Variants in ZNF26 observed in about 807,000 individuals in gnomAD.
ZNF26 encodes zinc finger protein 26.
In ZNF26, 32 loss-of-function variants were observed where a neutral mutation model predicts 54.9. The ratio of observed to expected loss-of-function variants is 0.58; its 90% confidence interval spans 0.44 to 0.78. The LOEUF (loss-of-function observed/expected upper bound fraction) is 0.78, where lower values mean the gene tolerates loss of function less well. Ranked by LOEUF, ZNF26 falls within the 30% of genes least tolerant of loss-of-function variation. ZNF26 has a pLI of 0.00. For missense variants in ZNF26, 524 were observed against 634.0 expected, an observed-to-expected ratio of 0.83 and a Z score of 1.86; for synonymous variants, 221 against 209.2, an observed-to-expected ratio of 1.06 and a Z score of -0.49.
chr12:133,003,036 A>G lies in ZNF26; in HGVS notation c.34-4006A>G, dbSNP rs796255907. Among the ~76,000 whole-genome samples, 300 of 152,178 alleles carry G rather than the reference A, an allele frequency of 2.0e-3. 2 individuals carry two copies. The highest frequency in any genetic ancestry group is 6.6e-3 in the African/African-American group (274 of 41,534). On this transcript the variant is annotated intron_variant, in intron 1 of 3. Coordinates refer to ENST00000328654, the MANE Select transcript of ZNF26 (RefSeq NM_019591.4). Reference sequence around the variant, plus strand: ...GGTGGGACCTGGGAGCCTAATTCATATACTGCTTTTAGCTGTTTACAGTTC... The same window carrying G: ...GGTGGGACCTGGGAGCCTAATTCATGTACTGCTTTTAGCTGTTTACAGTTC...
In ZNF26 at chr12:132,986,674, G is replaced by T; in HGVS notation, c.-167G>T. ...TGTCTAGTCACGCGCGGTCTGTGTT[G>T]GGCGAGAGCTGAGGAGCCGGCGTCC... On this transcript the variant is annotated 5_prime_UTR_variant, in exon 1 of 4. Transcript: ENST00000328654. The T allele has an allele frequency of 1.5e-6, 1 of 658,892 alleles. No homozygotes were observed. Among genetic ancestry groups the T allele is most frequent in the Non-Finnish European group, 2.6e-6 (1 of 384,302 alleles). The allele number at this position is 658,892 out of a possible 1,614,324, so 40.8% of individuals were successfully genotyped here. A position where few individuals can be genotyped will look rare whatever the true frequency, so the allele number is the denominator to read the frequency against.
Position 133,001,142 on chromosome 12 carries a change from A to T in ZNF26, c.34-5900A>T, listed in dbSNP as rs2137237429. On this transcript the variant is annotated intron_variant, in intron 1 of 3. Transcript: ENST00000328654. The surrounding 1 kb of genome is among the most constrained non-coding windows in gnomAD (Gnocchi z 4.7). Reference sequence around the variant, plus strand: ...AAGCACCTCAACGTAATAAGGGCACAGTAGTGGCTTCATTTTTCTCATCAC... The same window carrying T: ...AAGCACCTCAACGTAATAAGGGCACTGTAGTGGCTTCATTTTTCTCATCAC... Among the ~76,000 whole-genome samples the T allele has an allele frequency of 6.6e-6, 1 of 152,314 alleles. No homozygotes were observed. Among genetic ancestry groups the T allele is most frequent in the East Asian group, 1.9e-4 (1 of 5,184 alleles).
chr12:133,007,124 A>G lies in ZNF26; in HGVS notation c.116A>G (p.Tyr39Cys), dbSNP rs1307951092. 6.2e-7 allele frequency: 1 copy of G among 1,613,954 alleles called. No individual in the cohort carries two copies. The highest frequency in any genetic ancestry group is 8.5e-7 in the Non-Finnish European group (1 of 1,179,908). ...QLLDSTQKYL[Y>C]RDVILENYHN... Reference sequence around the variant, plus strand: ...CTGGATTCTACACAGAAGTACCTGTACAGAGATGTGATATTGGAAAACTAT... The same window carrying G: ...CTGGATTCTACACAGAAGTACCTGTGCAGAGATGTGATATTGGAAAACTAT... The change falls in exon 2 of 4, where the codon TAC becomes TGC. Residue 39 changes from tyrosine to cysteine, a missense_variant. Transcript: ENST00000328654.
intron 1 of ZNF26, among the ~76,000 whole-genome samples, chr12:132,988,326 T>C: frequency 6.6e-6 from 1 of 151,964 alleles, no homozygotes; most frequent in South Asian, 2.1e-4. Context: ...AGCCTCGAAC[T>C]CCCGGGCTCA....
At chr12:132,993,943 T>A (rs1248093575) in intron 1 of ZNF26, among the ~76,000 whole-genome samples, 1 of 152,170 alleles carries the variant, frequency 6.6e-6, no homozygotes, top group Non-Finnish European at 1.5e-5. Context: ...TCTCCTGGAC[T>A]CTCAACCTCA....
rs1410288318 is a variant in ZNF26, at chr12:132,986,518, A to G, written c.-323A>G. Reference sequence around the variant, plus strand: ...TCGGATTATCCTGGGCAGACCAGAGACTTGACCAGCTAAACACTTCCGTCG... The same window carrying G: ...TCGGATTATCCTGGGCAGACCAGAGGCTTGACCAGCTAAACACTTCCGTCG... On this transcript the variant is annotated 5_prime_UTR_variant, in exon 1 of 4. Coordinates refer to ENST00000328654, the MANE Select transcript of ZNF26 (RefSeq NM_019591.4). The G allele has an allele frequency of 4.3e-6, 2 of 460,856 alleles. No homozygotes were observed. The highest frequency in any genetic ancestry group is 8.0e-6 in the Non-Finnish European group (2 of 250,752). The allele number at this position is 460,856 out of a possible 1,614,324, so 28.5% of individuals were successfully genotyped here.
chr12:133,007,779 G>A (rs1953363934), intron 3 of ZNF26, among the ~76,000 whole-genome samples: 1 of 152,198 alleles, frequency 6.6e-6, no homozygotes, highest in Non-Finnish European at 1.5e-5. Flanking sequence ...TCTGCTTCAG[G>A]TTTGCTTTTG....
chr12:133,023,163 C>T lies in ZNF26; in HGVS notation c.*11682C>T, dbSNP rs964578408. On this transcript the variant is annotated 3_prime_UTR_variant, in exon 4 of 4. Coordinates refer to ENST00000328654, the MANE Select transcript of ZNF26 (RefSeq NM_019591.4). The stretch of plus-strand genomic sequence containing the variant: ...TGGGAGAATACTAAGGATAACCATA[C>T]GCCAGTCAAATAAAAATAGATAACA... The T allele has an allele frequency of 3.3e-5, 5 of 152,090 alleles. No individual in the cohort carries two copies. In the East Asian group the frequency reaches 9.6e-4, roughly 29 times the overall value. The allele number at this position is 152,090 out of a possible 1,614,324, so 9.4% of individuals were successfully genotyped here. A position where few individuals can be genotyped will look rare whatever the true frequency, so the allele number is the denominator to read the frequency against.
chr12:132,987,466 T>C (rs1952849514), intron 1 of ZNF26, among the ~76,000 whole-genome samples: 2 of 152,258 alleles, frequency 1.3e-5, no homozygotes, highest in African/African-American at 4.8e-5. Flanking sequence ...TTATGAATTA[T>C]TGATGGAGTG....
rs1438637866 is a variant in ZNF26, at chr12:133,015,419, CTG to C, written c.*3941_*3942del. On this transcript the variant is annotated 3_prime_UTR_variant, in exon 4 of 4. Transcript: ENST00000328654. Reference sequence around the variant, plus strand: ...TTCTGTGTATATGACACAATCCTAACTGTGGCATGTATCTATGTCTTCACTTG... The same window carrying C: ...TTCTGTGTATATGACACAATCCTAACTGGCATGTATCTATGTCTTCACTTG... 1.3e-5 allele frequency: 2 copies of C among 149,936 alleles called. No homozygotes were observed. The highest frequency in any genetic ancestry group is 3.0e-5 in the Non-Finnish European group (2 of 67,626). The allele number at this position is 149,936 out of a possible 1,614,324, so 9.3% of individuals were successfully genotyped here. A position where few individuals can be genotyped will look rare whatever the true frequency, so the allele number is the denominator to read the frequency against.
In ZNF26 at chr12:133,010,563, A is replaced by G; in HGVS notation, c.684A>G (p.Lys228=). Residue 228 remains lysine, a synonymous_variant, in exon 4 of 4, where the codon AAA becomes AAG. Coordinates refer to ENST00000328654, the MANE Select transcript of ZNF26 (RefSeq NM_019591.4). ...NAHQRVHTGE[K]PYSCSECEKV... is the part of the protein sequence containing the mutation. ...ATCAGAGAGTTCATACAGGAGAAAA[A>G]CCCTACTCATGTAGTGAGTGCGAGA... 1 of 1,614,096 alleles carries G rather than the reference A, an allele frequency of 6.2e-7. No individual in the cohort carries two copies. The highest frequency in any genetic ancestry group is 2.2e-5 in the East Asian group (1 of 44,876).
Position 132,986,684 on chromosome 12 carries a change from T to C in ZNF26, c.-157T>C. On this transcript the variant is annotated 5_prime_UTR_variant, in exon 1 of 4. Transcript: ENST00000328654. ...CGCGCGGTCTGTGTTGGGCGAGAGC[T>C]GAGGAGCCGGCGTCCCTGCCAACGA... is the stretch of plus-strand genomic sequence containing the variant. The C allele has an allele frequency of 8.5e-6, 6 of 704,476 alleles. No homozygotes were observed. Among genetic ancestry groups the C allele is most frequent in the Non-Finnish European group, 1.4e-5 (6 of 423,088 alleles). 43.6% of individuals were successfully genotyped at this position (704,476 alleles called of 1,614,324 possible). A position where few individuals can be genotyped will look rare whatever the true frequency, so the allele number is the denominator to read the frequency against.
Position 133,014,292 on chromosome 12 carries a change from A to G in ZNF26, c.*2811A>G, listed in dbSNP as rs1468861328. The G allele has an allele frequency of 1.3e-5, 2 of 152,356 alleles. No individual in the cohort carries two copies. Among genetic ancestry groups the G allele is most frequent in the Non-Finnish European group, 2.9e-5 (2 of 68,168 alleles). The allele number at this position is 152,356 out of a possible 1,614,324, so 9.4% of individuals were successfully genotyped here. On this transcript the variant is annotated 3_prime_UTR_variant, in exon 4 of 4. Transcript: ENST00000328654. ...GCTGGTTACAGCGGTGCACACCTGC[A>G]ATCCCAGCTACTCAGGAGGTTGAGG... is the stretch of plus-strand genomic sequence containing the variant.
rs2137269960 is a variant in ZNF26, at chr12:133,014,769, T to A, written c.*3288T>A. ...CCACGTTGGCCAGGCTGGTCTTGAATTCCTGACCTCAGGTAATCCACCTGC... is the reference window on the plus strand; with the variant it reads ...CCACGTTGGCCAGGCTGGTCTTGAAATCCTGACCTCAGGTAATCCACCTGC... On this transcript the variant is annotated 3_prime_UTR_variant, in exon 4 of 4. Transcript: ENST00000328654. The A allele has an allele frequency of 6.6e-6, 1 of 152,098 alleles. No individual in the cohort carries two copies. The highest frequency in any genetic ancestry group is 2.1e-4 in the South Asian group (1 of 4,818). The allele number at this position is 152,098 out of a possible 1,614,324, so 9.4% of individuals were successfully genotyped here. A position where few individuals can be genotyped will look rare whatever the true frequency, so the allele number is the denominator to read the frequency against.
chr12:133,010,569 C>T lies in ZNF26; in HGVS notation c.690C>T (p.Tyr230=), dbSNP rs2137260583. 6.2e-7 allele frequency: 1 copy of T among 1,614,084 alleles called. No individual in the cohort carries two copies. The highest frequency in any genetic ancestry group is 2.2e-5 in the East Asian group (1 of 44,876). ...GAGTTCATACAGGAGAAAAACCCTA[C>T]TCATGTAGTGAGTGCGAGAAGGTCT... is the stretch of plus-strand genomic sequence containing the variant. ...HQRVHTGEKP[Y]SCSECEKVFS... is the part of the protein sequence containing the mutation. Residue 230 remains tyrosine (Y), a synonymous_variant, in exon 4 of 4, where the codon TAC becomes TAT. Transcript: ENST00000328654.
In ZNF26 at chr12:133,018,281, T is replaced by C. The variant is rs1332064640; in HGVS notation, c.*6800T>C. ...CTCAGCCTCTTTAAATTATAAAATA[T>C]ATAAAGCAATATTTATAGCAATGTG... On this transcript the variant is annotated 3_prime_UTR_variant, in exon 4 of 4. Transcript: ENST00000328654. 1 of 152,190 alleles carries C rather than the reference T, an allele frequency of 6.6e-6. No individual in the cohort carries two copies. The highest frequency in any genetic ancestry group is 2.4e-5 in the African/African-American group (1 of 41,456). The allele number at this position is 152,190 out of a possible 1,614,324, so 9.4% of individuals were successfully genotyped here. A position where few individuals can be genotyped will look rare whatever the true frequency, so the allele number is the denominator to read the frequency against.
chr12:133,015,365 A>AAAG lies in ZNF26; in HGVS notation c.*3886_*3887insGAA, dbSNP rs1953553224. On this transcript the variant is annotated 3_prime_UTR_variant, in exon 4 of 4. Coordinates refer to ENST00000328654, the MANE Select transcript of ZNF26 (RefSeq NM_019591.4). ...TGAGACTCTGTCTCAAAAAAAAAAA[A>AAAG]AAAAAGAAAAGAAAATGACAAACAC... The AAAG allele has an allele frequency of 2.0e-5, 3 of 151,426 alleles. No individual in the cohort carries two copies. Among genetic ancestry groups the AAAG allele is most frequent in the South Asian group, 4.2e-4 (2 of 4,790 alleles). The allele number at this position is 151,426 out of a possible 1,614,324, so 9.4% of individuals were successfully genotyped here. A position where few individuals can be genotyped will look rare whatever the true frequency, so the allele number is the denominator to read the frequency against.
chr12:133,011,646 A>G lies in ZNF26; in HGVS notation c.*165A>G, dbSNP rs1953475940. The stretch of plus-strand genomic sequence containing the variant: ...GTGTAAAAGCTTTCAGAAATAAGTT[A>G]CAAATCTTTGTAGATGAAAATAATG... On this transcript the variant is annotated 3_prime_UTR_variant, in exon 4 of 4. Transcript: ENST00000328654. 1 of 553,870 alleles carries G rather than the reference A, an allele frequency of 1.8e-6. No homozygotes were observed. The highest frequency in any genetic ancestry group is 1.9e-5 in the African/African-American group (1 of 52,204). The allele number at this position is 553,870 out of a possible 1,614,324, so 34.3% of individuals were successfully genotyped here.
chr12:132,994,429 G>A (rs1734372433), intron 1 of ZNF26, among the ~76,000 whole-genome samples: 3 of 152,114 alleles, frequency 2.0e-5, no homozygotes, highest in Admixed American at 2.0e-4. Flanking sequence ...TGCAGAACTG[G>A]AACTATTAAT....
Sources: gnomAD v4.1 joint callset for allele counts (sites outside exome capture counted in the v4.1 genomes callset) on GRCh38, gnomAD v4.1.1 for gene constraint, Gnocchi (gnomAD v3.1) non-coding constraint, MANE v1.5 for transcripts, NCBI Gene and HGNC (gene_info 2026-07-23, HGNC 2026-07-21) for gene names.